DPH6: variants seen among roughly 807,000 people sequenced by gnomAD.
DPH6 encodes the protein diphthine--ammonia ligase.
In DPH6, 33 loss-of-function variants were observed where a neutral mutation model predicts 38.2. The observed-to-expected ratio is 0.86, with a 90% CI of 0.65 to 1.15. DPH6 has a LOEUF of 1.15. DPH6 is among the 50% of genes most tolerant of loss of function. The probability of loss-of-function intolerance (pLI) is 0.00; values close to 1 mark genes in which losing one functional copy is unlikely to be tolerated. For synonymous variants in DPH6, 108 were observed against 103.0 expected, an observed-to-expected ratio of 1.05 and a Z score of -0.30; for missense variants, 325 against 320.0, an observed-to-expected ratio of 1.02 and a Z score of -0.12.
chr15:35,224,147 C>T (rs1431036052), intron 3 of DPH6, among the ~76,000 whole-genome samples: 1 of 136,752 alleles, frequency 7.3e-6, no homozygotes, highest in Admixed American at 8.2e-5. Flanking sequence ...TGCTCTGTCA[C>T]CCAGGCTAGA....
chr15:35,322,034 A>C (rs991728059), intron 3 of DPH6, among the ~76,000 whole-genome samples: 4 of 152,144 alleles, frequency 2.6e-5, no homozygotes, highest in Non-Finnish European at 5.9e-5. Flanking sequence ...GGGTGTAGAA[A>C]ATAGCCCTCA....
chr15:35,228,365 C>T (rs1030962498), intron 3 of DPH6, among the ~76,000 whole-genome samples: 1 of 152,204 alleles, frequency 6.6e-6, no homozygotes, highest in Non-Finnish European at 1.5e-5. Context: ...AGTTTATACA[C>T]TACAGTTACA....
At chr15:35,226,197 T>C (rs192227003) in intron 3 of DPH6, among the ~76,000 whole-genome samples, 2 of 152,260 alleles carry the variant, frequency 1.3e-5, no homozygotes, top group Non-Finnish European at 1.5e-5. Flanking sequence ...GCTGTAAATG[T>C]TCATGTATCT....
At chr15:35,225,883 G>T (rs2051477003) in intron 3 of DPH6, among the ~76,000 whole-genome samples, 1 of 152,144 alleles carries the variant, frequency 6.6e-6, no homozygotes, top group South Asian at 2.1e-4. Context: ...TAATGGCTTA[G>T]AAAAATCATA....
the DPH6 span, among the ~76,000 whole-genome samples, chr15:35,157,663 A>T: frequency 4.6e-5 from 7 of 152,202 alleles, no homozygotes; most frequent in East Asian, 1.4e-3. Flanking sequence ...TGCATGTACA[A>T]TCAAGTTAAT....
chr15:35,228,531 G>A (rs1435255762), intron 3 of DPH6, among the ~76,000 whole-genome samples: 1 of 152,096 alleles, frequency 6.6e-6, no homozygotes, highest in Non-Finnish European at 1.5e-5. Context: ...TGGGCTCAAG[G>A]AATTGTCCCA....
chr15:35,290,303 T>A (rs1249098849), intron 3 of DPH6, among the ~76,000 whole-genome samples: 1 of 152,156 alleles, frequency 6.6e-6, no homozygotes, highest in Non-Finnish European at 1.5e-5. Flanking sequence ...CCCAATCCCC[T>A]CAGAGGAATA....
At chr15:35,404,626 A>G (rs1286523305) in intron 6 of DPH6, among the ~76,000 whole-genome samples, 4 of 152,074 alleles carry the variant, frequency 2.6e-5, no homozygotes, top group African/African-American at 4.8e-5. Flanking sequence ...CTAGCTATAA[A>G]TCTTTTATCA....
At chr15:35,457,414 C>G (rs1302360231) in intron 3 of DPH6, among the ~76,000 whole-genome samples, 3 of 152,016 alleles carry the variant, frequency 2.0e-5, no homozygotes, top group African/African-American at 7.3e-5. Context: ...GTGCCTCAGC[C>G]TCCTGAGGAG....
intron 3 of DPH6, among the ~76,000 whole-genome samples, chr15:35,514,196 GT>G (rs1482659654): frequency 1.2e-4 from 18 of 149,860 alleles, no homozygotes; most frequent in Non-Finnish European, 1.5e-4. Flanking sequence ...TTACAACTAT[GT>G]AGAATCCTCA....
intron 6 of DPH6, among the ~76,000 whole-genome samples, chr15:35,382,156 C>T (rs573684172): frequency 6.6e-6 from 1 of 152,282 alleles, no homozygotes; most frequent in East Asian, 1.9e-4. Context: ...CATTAAGAGG[C>T]CAGGCGCGTT....
intron 3 of DPH6, among the ~76,000 whole-genome samples, chr15:35,514,270 G>A (rs1040273174): frequency 6.6e-6 from 1 of 152,050 alleles, no homozygotes; most frequent in Non-Finnish European, 1.5e-5. Flanking sequence ...GTAACAGTTT[G>A]AGAAGATGTA....
chr15:35,371,502 T>G lies in DPH6; in HGVS notation c.*648A>C. On this transcript the variant is annotated 3_prime_UTR_variant, in exon 9 of 9. Transcript: ENST00000256538. Reference sequence around the variant, plus strand: ...TGCATTTTCTGCTCCATTTTTGCTGTGAACCTAAAACTGTTCTAAAACATA... The same window carrying G: ...TGCATTTTCTGCTCCATTTTTGCTGGGAACCTAAAACTGTTCTAAAACATA... 1.2e-6 allele frequency: 1 copy of G among 867,868 alleles called. No individual in the cohort carries two copies. The highest frequency in any genetic ancestry group is 1.4e-6 in the Non-Finnish European group (1 of 723,024). The allele number at this position is 867,868 out of a possible 1,614,324, so 53.8% of individuals were successfully genotyped here. A position where few individuals can be genotyped will look rare whatever the true frequency, so the allele number is the denominator to read the frequency against.
chr15:35,323,966 T>C (rs1055794497), intron 3 of DPH6, among the ~76,000 whole-genome samples: 6 of 152,156 alleles, frequency 3.9e-5, no homozygotes, highest in Non-Finnish European at 7.4e-5. Context: ...TATAGGTATT[T>C]TGCTGACCTA....
Position 35,229,928 on chromosome 15 carries a change from G to C in DPH6, n.201-9346C>G, listed in dbSNP as rs578127770. The stretch of plus-strand genomic sequence containing the variant: ...CTCTGTTTTGAGCCACCTGGAGCTG[G>C]GGATGGAGTGACACAGGAATCCTTG... On this transcript the variant is annotated intron_variant and non_coding_transcript_variant, in intron 3 of 3. Transcript: ENST00000560386. 2.6e-5 allele frequency among the ~76,000 whole-genome samples: 4 copies of C among 152,288 alleles called. No individual in the cohort carries two copies. The South Asian group carries it at 8.3e-4, about 32-fold the overall frequency.
chr15:35,237,641 A>G, intron 3 of DPH6: 1 of 1,612,858 alleles, frequency 6.2e-7, no homozygotes, highest in South Asian at 1.1e-5. Flanking sequence ...CCTCAGCACA[A>G]CAGAGCCACT....
chr15:35,296,001 G>A (rs753578812), intron 3 of DPH6, among the ~76,000 whole-genome samples: 1 of 151,544 alleles, frequency 6.6e-6, no homozygotes. Flanking sequence ...GTGCAGTGGC[G>A]CGATCTCTGT....
chr15:35,411,024 A>G (rs976591439), intron 5 of DPH6, 128 bp from the exon 6 acceptor site: 2 of 739,386 alleles, frequency 2.7e-6, no homozygotes, highest in African/African-American at 3.7e-5. Flanking sequence ...CTTTGATCAT[A>G]AAGTAAAATG....
chr15:35,390,977 C>G (rs2053047504), intron 6 of DPH6, among the ~76,000 whole-genome samples: 1 of 152,190 alleles, frequency 6.6e-6, no homozygotes, highest in Admixed American at 6.5e-5. Flanking sequence ...GTGGTTTTGT[C>G]TACCTTTGGT....
Sources: gnomAD v4.1 joint callset for allele counts (sites outside exome capture counted in the v4.1 genomes callset) on GRCh38, gnomAD v4.1.1 for gene constraint, MANE v1.5 for transcripts, NCBI Gene and HGNC (gene_info 2026-07-23, HGNC 2026-07-21) for gene names.